The following SNX14 variants were observed in gnomAD, a reference collection of about 807,000 sequenced individuals.
The protein encoded by SNX14 is sorting nexin-14.
SNX14 carries 93 observed loss-of-function variants against 133.8 expected under a neutral mutation model. That is an observed-to-expected ratio of 0.70 (90% CI 0.59 to 0.83). The LOEUF (loss-of-function observed/expected upper bound fraction) is 0.83, where lower values mean the gene tolerates loss of function less well. Ranked by LOEUF, SNX14 falls within the 40% of genes least tolerant of loss-of-function variation. The pLI is 0.00. For missense variants in SNX14, 945 were observed against 1,094.9 expected, an observed-to-expected ratio of 0.86 and a Z score of 1.93; for synonymous variants, 368 against 365.6, an observed-to-expected ratio of 1.01 and a Z score of -0.07.
At chr6:85,561,975 G>GT (rs1331301977) in intron 6 of SNX14, among the ~76,000 whole-genome samples, 4 of 152,086 alleles carry the variant, frequency 2.6e-5, no homozygotes, top group African/African-American at 9.6e-5. Context: ...CCCATAAGCA[G>GT]TTTTTTTATC....
Position 85,543,684 on chromosome 6 carries a change from C to A in SNX14, c.1185G>T (p.Lys395Asn). Residue 395 changes from lysine (K) to asparagine (N), a missense_variant, in exon 13 of 29, where the codon AAG becomes AAT. Physicochemically the swap from Lys to Asn is moderately conservative, Grantham distance 94. Coordinates refer to ENST00000314673, the MANE Select transcript of SNX14 (RefSeq NM_153816.6). ...CATCCAAACAGTATGTTTTATAAATCTTCTGCAATTCTTCATGAAGAGACA... is the reference window on the plus strand; with the variant it reads ...CATCCAAACAGTATGTTTTATAAATATTCTGCAATTCTTCATGAAGAGACA... ...EMLSLHEELQ[K>N]IYKTYCLDES... 6.3e-7 allele frequency: 1 copy of A among 1,589,814 alleles called. No individual in the cohort carries two copies. Among genetic ancestry groups the A allele is most frequent in the Non-Finnish European group, 8.6e-7 (1 of 1,166,332 alleles).
intron 18 of SNX14, among the ~76,000 whole-genome samples, chr6:85,531,463 A>G (rs1780278865): frequency 6.6e-6 from 1 of 152,208 alleles, no homozygotes; most frequent in African/African-American, 2.4e-5. Context: ...CAATACCACA[A>G]TCATCCAAAA....
rs538881420 is a variant in SNX14, at chr6:85,566,701, G to GA, written c.461+832dup. Among the ~76,000 whole-genome samples the GA allele has an allele frequency of 6.7e-3, 930 of 138,866 alleles. 5 individuals carry two copies. Among genetic ancestry groups the GA allele is most frequent in the Middle Eastern group, 0.039 (11 of 280 alleles). 91.1% of individuals were successfully genotyped at this position (138,866 alleles called of 152,430 possible). A position where few individuals can be genotyped will look rare whatever the true frequency, so the allele number is the denominator to read the frequency against. Reference sequence around the variant, plus strand: ...CAACAGAGTAAGACTCCATCTCAAAGAAAAAAAAAAGAAAGAAAAGAAAAT... The same window carrying GA: ...CAACAGAGTAAGACTCCATCTCAAAGAAAAAAAAAAAGAAAGAAAAGAAAAT... On this transcript the variant is annotated intron_variant, in intron 5 of 28. Transcript: ENST00000314673.
chr6:85,589,209 T>C lies in SNX14; in HGVS notation c.140+4370A>G, dbSNP rs562612936. On this transcript the variant is annotated intron_variant, in intron 1 of 28. Transcript: ENST00000314673. ...TTCTGCCATATTGTCTACTGTCAAT[T>C]TGTGTTCTGGCACCACTTTTTTTTT... The C allele has an allele frequency of 1.4e-4, 25 of 178,902 alleles. No individual in the cohort carries two copies. The East Asian group carries it at 3.4e-3, about 24-fold the overall frequency. 11.1% of individuals were successfully genotyped at this position (178,902 alleles called of 1,614,324 possible). A position where few individuals can be genotyped will look rare whatever the true frequency, so the allele number is the denominator to read the frequency against.
Position 85,593,649 on chromosome 6 carries a change from T to C in SNX14, c.70A>G (p.Ile24Val). The part of the protein sequence containing the change: ...QRLRLDVGRE[I>V]CRQYPLFCFL... ...CAGAACAGCGGGTACTGGCGGCAGA[T>C]CTCGCGTCCCACGTCCAGTCGCAGC... Residue 24 changes from isoleucine (I) to valine (V), a missense_variant, in exon 1 of 29, where the codon ATC becomes GTC. Around this residue, in one of 3 missense-constraint regions of SNX14, gnomAD observed 514 missense variants for 538.8 expected, o/e 0.95. Transcript: ENST00000314673. The C allele has an allele frequency of 6.2e-7, 1 of 1,612,828 alleles. No individual in the cohort carries two copies. The highest frequency in any genetic ancestry group is 1.3e-5 in the African/African-American group (1 of 75,044).
intron 1 of SNX14, chr6:85,588,805 A>C (rs1376352030): frequency 6.7e-6 from 3 of 450,874 alleles, no homozygotes; most frequent in Admixed American, 2.4e-5. Flanking sequence ...ACAATGATGT[A>C]AGCTAGAGAA....
At chr6:85,516,109 T>A (rs1774870670) in intron 23 of SNX14, among the ~76,000 whole-genome samples, 1 of 152,184 alleles carries the variant, frequency 6.6e-6, no homozygotes, top group Non-Finnish European at 1.5e-5. Flanking sequence ...ACATCCTACT[T>A]TTTCATTTAG....
At chr6:85,509,153 G>A (rs1771858783) in intron 26 of SNX14, among the ~76,000 whole-genome samples, 1 of 152,164 alleles carries the variant, frequency 6.6e-6, no homozygotes. Flanking sequence ...CAAAGGAATG[G>A]TAAGCTTGCT....
chr6:85,522,441 T>A (rs1777192190), intron 21 of SNX14, among the ~76,000 whole-genome samples: 1 of 152,254 alleles, frequency 6.6e-6, no homozygotes, highest in Non-Finnish European at 1.5e-5. Context: ...GGATTGGGAC[T>A]GTATTATAGC....
At chr6:85,590,568 C>T (rs1458621059) in intron 1 of SNX14, among the ~76,000 whole-genome samples, 4 of 152,170 alleles carry the variant, frequency 2.6e-5, no homozygotes, top group Non-Finnish European at 5.9e-5. Flanking sequence ...GGCTTTTTCT[C>T]CGGTTCTCTT....
chr6:85,530,155 C>T lies in SNX14; in HGVS notation c.1894+37G>A, dbSNP rs1456682015. On this transcript the variant is annotated intron_variant, in intron 19 of 28. Transcript: ENST00000314673. Reference sequence around the variant, plus strand: ...GTCATAGTTTTAAAGAATGCTAATGCTGAAATGTAATGTTTTATCCAAAAA... The same window carrying T: ...GTCATAGTTTTAAAGAATGCTAATGTTGAAATGTAATGTTTTATCCAAAAA... 6.9e-6 allele frequency: 9 copies of T among 1,311,492 alleles called. No homozygotes were observed. The East Asian group carries it at 7.1e-5, about 10-fold the overall frequency. 81.2% of individuals were successfully genotyped at this position (1,311,492 alleles called of 1,614,324 possible). A position where few individuals can be genotyped will look rare whatever the true frequency, so the allele number is the denominator to read the frequency against.
At chr6:85,587,578 T>A (rs1476232790) in intron 1 of SNX14, among the ~76,000 whole-genome samples, 1 of 152,152 alleles carries the variant, frequency 6.6e-6, no homozygotes, top group Non-Finnish European at 1.5e-5. Context: ...TAAGTGATCC[T>A]CCCACCTCAG....
At chr6:85,561,908 C>A (rs1015895338) in intron 6 of SNX14, among the ~76,000 whole-genome samples, 21 of 151,150 alleles carry the variant, frequency 1.4e-4, no homozygotes, top group Non-Finnish European at 2.9e-4. Context: ...GAGTAAACTG[C>A]ATGTCATGGG....
intron 1 of SNX14, among the ~76,000 whole-genome samples, chr6:85,585,396 AAAC>A (rs1207751936): frequency 4.6e-5 from 7 of 152,158 alleles, no homozygotes; most frequent in Non-Finnish European, 7.4e-5. Flanking sequence ...AAAAAAAAAC[AAAC>A]AACAACAACA....
At chr6:85,517,504 T>C (rs1775432611) in intron 23 of SNX14, 2 of 286,946 alleles carry the variant, frequency 7.0e-6, no homozygotes, top group Non-Finnish European at 1.3e-5. Flanking sequence ...AAACCACTTT[T>C]AAAAATCCCC....
Position 85,593,818 on chromosome 6 carries a change from G to C in SNX14, c.-100C>G. 6 of 1,563,678 alleles carry C rather than the reference G, an allele frequency of 3.8e-6. No individual in the cohort carries two copies. Among genetic ancestry groups the C allele is most frequent in the Non-Finnish European group, 4.3e-6 (5 of 1,160,596 alleles). On this transcript the variant is annotated 5_prime_UTR_variant, in exon 1 of 29. Transcript: ENST00000314673. ...GTCCCCGCCCCACCGACTTGGCGGCGCACACAGACGCCTACCGGCAGTTAG... is the reference window on the plus strand; with the variant it reads ...GTCCCCGCCCCACCGACTTGGCGGCCCACACAGACGCCTACCGGCAGTTAG...
Position 85,507,228 on chromosome 6 carries a change from G to A in SNX14, c.2802+5C>T. ...TCATGAATAAAATTACTGCTTTTCAGTTACCTTATTGAGCTCTGGAAACAG... is the reference window on the plus strand; with the variant it reads ...TCATGAATAAAATTACTGCTTTTCAATTACCTTATTGAGCTCTGGAAACAG... On this transcript the variant is annotated splice_donor_5th_base_variant and intron_variant, in intron 28 of 28. Coordinates refer to ENST00000314673, the MANE Select transcript of SNX14 (RefSeq NM_153816.6). The A allele has an allele frequency of 6.2e-7, 1 of 1,608,884 alleles. No individual in the cohort carries two copies. The highest frequency in any genetic ancestry group is 8.5e-7 in the Non-Finnish European group (1 of 1,177,684).
chr6:85,569,360 C>T (rs1016274295), intron 4 of SNX14, among the ~76,000 whole-genome samples: 1 of 152,138 alleles, frequency 6.6e-6, no homozygotes, highest in Admixed American at 6.5e-5. Flanking sequence ...GCCAAAGTAA[C>T]CTAAAACATA....
chr6:85,537,730 C>T (rs1183011019), intron 16 of SNX14, among the ~76,000 whole-genome samples: 2 of 152,318 alleles, frequency 1.3e-5, no homozygotes, highest in African/African-American at 4.8e-5. Flanking sequence ...AGGCAGATGA[C>T]CTGAGGTCAA....
Sources: allele counts gnomAD v4.1 joint callset (sites outside exome capture counted in the v4.1 genomes callset), GRCh38; gene constraint gnomAD v4.1.1; regional missense constraint gnomAD v4.1.1; transcripts MANE v1.5; gene names NCBI Gene and HGNC (gene_info 2026-07-23, HGNC 2026-07-21).